Variants in CFAP221 observed in about 807,000 individuals in gnomAD.
The protein encoded by CFAP221 is cilia- and flagella-associated protein 221.
CFAP221 carries 97 observed loss-of-function variants against 113.1 expected under a neutral mutation model. The ratio of observed to expected loss-of-function variants is 0.86; its 90% CI spans 0.73 to 1.02. The LOEUF (loss-of-function observed/expected upper bound fraction) is 1.02, where lower values mean the gene tolerates loss of function less well. Among genes scored for constraint, CFAP221 ranks in the 50% least tolerant of loss-of-function variants. The pLI, the probability that CFAP221 is intolerant of heterozygous loss-of-function variation, is 0.00. For missense variants in CFAP221, 1,025 were observed against 1,013.4 expected, an observed-to-expected ratio of 1.01 and a Z score of -0.16; for synonymous variants, 331 against 354.4, an observed-to-expected ratio of 0.93 and a Z score of 0.74.
At chr2:119,545,142 C>T (rs1481988262) in intron 1 of CFAP221, 3 of 152,178 alleles carry the variant, frequency 2.0e-5, no homozygotes, top group African/African-American at 4.8e-5. Flanking sequence ...TGTTGTCCGT[C>T]TTGGGAGTCT....
chr2:119,646,256 A>G (rs575664044), intron 21 of CFAP221, among the ~76,000 whole-genome samples: 97 of 152,332 alleles, frequency 6.4e-4, no homozygotes, highest in Non-Finnish European at 1.0e-3. Context: ...TCTCATTGCT[A>G]TAAACAAATG....
intron 6 of CFAP221, among the ~76,000 whole-genome samples, chr2:119,564,081 C>T (rs575220125): frequency 2.6e-5 from 4 of 152,280 alleles, no homozygotes; most frequent in South Asian, 4.1e-4. Context: ...GCCTAAAGAG[C>T]CTGCAGGCAG....
chr2:119,588,418 A>T (rs1683365361), intron 7 of CFAP221, among the ~76,000 whole-genome samples: 1 of 152,230 alleles, frequency 6.6e-6, no homozygotes, highest in South Asian at 2.1e-4. Flanking sequence ...AGAAAAGCTC[A>T]ATAGCTTATG....
At chr2:119,568,906 T>G (rs1255456740) in intron 6 of CFAP221, among the ~76,000 whole-genome samples, 1 of 152,204 alleles carries the variant, frequency 6.6e-6, no homozygotes, top group Non-Finnish European at 1.5e-5. Flanking sequence ...ACAAATTCCC[T>G]TGGTCATTTT....
chr2:119,627,138 C>G (rs1686366313), intron 15 of CFAP221, among the ~76,000 whole-genome samples: 1 of 152,110 alleles, frequency 6.6e-6, no homozygotes, highest in South Asian at 2.1e-4. Context: ...GCCTGAGCCT[C>G]TGAGCCTGGC....
In CFAP221 at chr2:119,613,500, T is replaced by A. The variant is rs978290738; in HGVS notation, c.1311+1758T>A. Among the ~76,000 whole-genome samples, 5 of 152,254 alleles carry A rather than the reference T, an allele frequency of 3.3e-5. No homozygotes were observed. In the South Asian group the frequency reaches 6.2e-4, roughly 19 times the overall value. On this transcript the variant is annotated intron_variant, in intron 13 of 23. Transcript: ENST00000413369. The stretch of plus-strand genomic sequence containing the variant: ...AGTTTCCCAAACCTAATTTCTGGAC[T>A]TCTGTGCACCTACAGGCTCAACACC...
chr2:119,601,097 G>C, intron 7 of CFAP221, 121 bp from the exon 8 acceptor site: 1 of 979,730 alleles, frequency 1.0e-6, no homozygotes, highest in South Asian at 2.4e-5. Flanking sequence ...AATTGTGTGG[G>C]GAGTCAGTGC....
At chr2:119,560,109 A>T in intron 5 of CFAP221, 83 bp downstream of exon 5, 2 of 1,079,168 alleles carry the variant, frequency 1.9e-6, no homozygotes, top group Non-Finnish European at 2.6e-6. Context: ...GCAGAAAGAG[A>T]GGTGGAATGA....
chr2:119,612,441 G>A (rs550497467), intron 13 of CFAP221, among the ~76,000 whole-genome samples: 2 of 152,312 alleles, frequency 1.3e-5, no homozygotes, highest in South Asian at 4.1e-4. Flanking sequence ...ACCAAGCCAA[G>A]GGGGAAGCTC....
chr2:119,645,957 A>G (rs957888244), intron 21 of CFAP221, among the ~76,000 whole-genome samples: 12 of 152,172 alleles, frequency 7.9e-5, no homozygotes, highest in African/African-American at 2.9e-4. Flanking sequence ...ATCATCTGAA[A>G]TGTGTGTATG....
chr2:119,600,770 C>T (rs1684311541), intron 7 of CFAP221, among the ~76,000 whole-genome samples: 1 of 152,100 alleles, frequency 6.6e-6, no homozygotes, highest in Admixed American at 6.5e-5. Context: ...CTTCTTCCAC[C>T]TCTTCCACCT....
intron 14 of CFAP221, among the ~76,000 whole-genome samples, chr2:119,621,976 A>G (rs184741393): frequency 6.6e-6 from 1 of 152,326 alleles, no homozygotes; most frequent in Admixed American, 6.5e-5. Flanking sequence ...TAATGAAAAT[A>G]ACTAGACAAG....
chr2:119,647,245 G>A (rs965859414), intron 22 of CFAP221, among the ~76,000 whole-genome samples, 195 bp downstream of exon 22: 2 of 152,166 alleles, frequency 1.3e-5, no homozygotes, highest in East Asian at 1.9e-4. Flanking sequence ...CAGTCTCTAA[G>A]CTCTATGGCT....
chr2:119,639,992 G>T (rs961772709), intron 21 of CFAP221, 120 bp downstream of exon 21: 4 of 806,030 alleles, frequency 5.0e-6, no homozygotes, highest in Non-Finnish European at 6.0e-6. Context: ...CATGAGAGAA[G>T]TTTGCTAGTC....
At chr2:119,615,076 T>G (rs1685433511) in intron 13 of CFAP221, among the ~76,000 whole-genome samples, 1 of 152,212 alleles carries the variant, frequency 6.6e-6, no homozygotes, top group South Asian at 2.1e-4. Flanking sequence ...TTATATAATT[T>G]CCTTATTCAA....
chr2:119,565,453 A>C (rs1216570416), intron 6 of CFAP221, among the ~76,000 whole-genome samples: 1 of 152,172 alleles, frequency 6.6e-6, no homozygotes, highest in Non-Finnish European at 1.5e-5. Context: ...TTATGAGTTG[A>C]GAACAATGAT....
chr2:119,616,507 C>T (rs1195723788), intron 14 of CFAP221, among the ~76,000 whole-genome samples: 2 of 152,214 alleles, frequency 1.3e-5, no homozygotes, highest in Non-Finnish European at 2.9e-5. Flanking sequence ...CATCTCCCTT[C>T]TGTGGCTTCC....
chr2:119,546,033 A>C, intron 1 of CFAP221, 52 bp from the exon 2 acceptor site: 2 of 1,299,144 alleles, frequency 1.5e-6, no homozygotes, highest in East Asian at 5.1e-5. Context: ...GAAAGAGAAA[A>C]AATGTGCGTG....
intron 13 of CFAP221, among the ~76,000 whole-genome samples, chr2:119,613,182 G>A (rs1392500655): frequency 6.6e-6 from 1 of 152,242 alleles, no homozygotes; most frequent in South Asian, 2.1e-4. Flanking sequence ...TGGCTTTGCA[G>A]GGTACAGCCT....
Sources: gnomAD v4.1 joint callset for allele counts (sites outside exome capture counted in the v4.1 genomes callset) on GRCh38, gnomAD v4.1.1 for gene constraint, MANE v1.5 for transcripts, NCBI Gene and HGNC (gene_info 2026-07-23, HGNC 2026-07-21) for gene names.